The following CATSPERB variants were observed in gnomAD, a reference collection of about 807,000 sequenced individuals.
CATSPERB encodes catsper channel auxiliary subunit beta.
In CATSPERB, 93 loss-of-function variants were observed where a neutral mutation model predicts 128.3. The observed-to-expected ratio is 0.72, with a 90% CI of 0.61 to 0.86. The LOEUF (loss-of-function observed/expected upper bound fraction) is 0.86. Ranked by LOEUF, CATSPERB falls within the 40% of genes least tolerant of loss-of-function variation. CATSPERB has a pLI of 0.00. For missense variants in CATSPERB, 1,153 were observed against 1,329.5 expected (o/e 0.87, Z 2.06); for synonymous variants, 381 against 448.8 (o/e 0.85, Z 1.91).
Position 91,639,221 on chromosome 14 carries a change from C to T in CATSPERB, c.1462G>A (p.Val488Ile). 20 of 1,613,698 alleles carry T rather than the reference C, an allele frequency of 1.2e-5. No individual in the cohort carries two copies. Among genetic ancestry groups the T allele is most frequent in the Non-Finnish European group, 1.7e-5 (20 of 1,179,788 alleles). The change falls in exon 16 of 27, where the codon GTT (valine) becomes ATT (isoleucine). Residue 488 changes from valine (V) to isoleucine (I), a missense_variant. Physicochemically the swap from Val to Ile is conservative, Grantham distance 29 (BLOSUM62 3). Coordinates refer to ENST00000256343, the MANE Select transcript of CATSPERB (RefSeq NM_024764.4). ...GMGRYSAVGS[V>I]TERIFTLYYD... ...TATAATGTGAAAATTCTCTCAGTAA[C>T]ACTTCCGACTGCACTGTATCTTCCC...
chr14:91,657,104 T>A (rs1566720586), intron 15 of CATSPERB, among the ~76,000 whole-genome samples: 1 of 152,028 alleles, frequency 6.6e-6, no homozygotes, highest in Non-Finnish European at 1.5e-5. Flanking sequence ...GGACATGATT[T>A]TCTGTCTGGA....
At chr14:91,730,912 CTG>C (rs948245410) in intron 1 of CATSPERB, among the ~76,000 whole-genome samples, 29 of 152,214 alleles carry the variant, frequency 1.9e-4, no homozygotes, top group African/African-American at 7.0e-4. Context: ...TAAAAATCAT[CTG>C]AGAAAACAAC....
intron 14 of CATSPERB, among the ~76,000 whole-genome samples, chr14:91,664,259 CTTTTTTTT>C (rs750623098): frequency 3.5e-5 from 4 of 115,716 alleles, no homozygotes; most frequent in African/African-American, 3.2e-5. Context: ...TCTTCCATGT[CTTTTTTTT>C]TTTTTTTTTT....
chr14:91,605,451 G>A (rs984362528), intron 22 of CATSPERB: 4 of 458,188 alleles, frequency 8.7e-6, no homozygotes, highest in African/African-American at 7.8e-5. Context: ...AAGAGGTTGG[G>A]ATGAAGTGAG....
chr14:91,704,650 C>T lies in CATSPERB; in HGVS notation c.518G>A (p.Ser173Asn), dbSNP rs200112581. 4 of 1,613,876 alleles carry T rather than the reference C, an allele frequency of 2.5e-6. No individual in the cohort carries two copies. The highest frequency in any genetic ancestry group is 2.5e-6 in the Non-Finnish European group (3 of 1,179,852). ...ATCTACCACATGTGGATATAATTTACTGATTTCACTTTCTGGAATCACATC... is the reference window on the plus strand; with the variant it reads ...ATCTACCACATGTGGATATAATTTATTGATTTCACTTTCTGGAATCACATC... ...PGDVIPESEISKLYPHVVDLK... is the reference protein window; with the variant it reads ...PGDVIPESEINKLYPHVVDLK... Residue 173 changes from serine (S) to asparagine (N), a missense_variant, in exon 7 of 27, where the codon AGT (serine) becomes AAT (asparagine). By Grantham distance (46) the Ser-to-Asn change is conservative. Transcript: ENST00000256343.
intron 5 of CATSPERB, 43 bp downstream of exon 5, chr14:91,719,375 A>G (rs1895992681): frequency 7.3e-7 from 1 of 1,363,034 alleles, no homozygotes; most frequent in African/African-American, 1.5e-5. Context: ...TATTTGATAA[A>G]TCCAGACCCA....
At chr14:91,667,480 C>A (rs901463866) in intron 14 of CATSPERB, among the ~76,000 whole-genome samples, 1 of 152,198 alleles carries the variant, frequency 6.6e-6, no homozygotes, top group Non-Finnish European at 1.5e-5. Flanking sequence ...AAACAGCGTA[C>A]CCTATTCCTT....
chr14:91,583,388 C>T (rs1239824735), intron 26 of CATSPERB, among the ~76,000 whole-genome samples: 1 of 152,080 alleles, frequency 6.6e-6, no homozygotes, highest in Non-Finnish European at 1.5e-5. Context: ...CATGGCACTC[C>T]AGCCTGGGCA....
intron 4 of CATSPERB, among the ~76,000 whole-genome samples, chr14:91,720,638 T>C (rs1307698418): frequency 1.3e-5 from 2 of 152,112 alleles, no homozygotes; most frequent in Non-Finnish European, 2.9e-5. Flanking sequence ...GACTTAATAT[T>C]AGTAAAATGG....
At chr14:91,629,634 AG>A (rs1280616897) in intron 17 of CATSPERB, among the ~76,000 whole-genome samples, 1 of 152,186 alleles carries the variant, frequency 6.6e-6, no homozygotes, top group Non-Finnish European at 1.5e-5. Flanking sequence ...AGAGGTATAT[AG>A]GAACTCTATT....
intron 17 of CATSPERB, among the ~76,000 whole-genome samples, chr14:91,630,736 C>T (rs1894260918): frequency 6.6e-6 from 1 of 152,196 alleles, no homozygotes; most frequent in Non-Finnish European, 1.5e-5. Context: ...CCCTGTCCCA[C>T]ACTTTTCACA....
chr14:91,696,267 C>T (rs181832534), intron 7 of CATSPERB, among the ~76,000 whole-genome samples: 33 of 152,240 alleles, frequency 2.2e-4, no homozygotes, highest in African/African-American at 6.7e-4. Flanking sequence ...TTAGGGGTCA[C>T]ACCAAAAAGG....
At chr14:91,726,576 G>A (rs1896123539) in intron 2 of CATSPERB, among the ~76,000 whole-genome samples, 1 of 152,202 alleles carries the variant, frequency 6.6e-6, no homozygotes, top group East Asian at 1.9e-4. Context: ...TGTCCTCAAA[G>A]GTCTCTCTGA....
Position 91,669,818 on chromosome 14 carries a change from T to C in CATSPERB, c.1283A>G (p.Asn428Ser). The C allele has an allele frequency of 1.9e-6, 3 of 1,610,766 alleles. No individual in the cohort carries two copies. The highest frequency in any genetic ancestry group is 1.3e-5 in the African/African-American group (1 of 74,788). Residue 428 changes from asparagine (N) to serine (S), a missense_variant, in exon 14 of 27, where the codon AAT (asparagine) becomes AGT (serine). Asn to Ser is a conservative substitution (Grantham distance 46). Transcript: ENST00000256343. Reference protein sequence around the residue: ...PRSHFLYAYGNQIWLSVDGGN... With the variant: ...PRSHFLYAYGSQIWLSVDGGN... ...TGAAGTTCCATGTGTACGCACCTGATTGCCATAAGCATACAAAAAGTGGCT... is the reference window on the plus strand; with the variant it reads ...TGAAGTTCCATGTGTACGCACCTGACTGCCATAAGCATACAAAAAGTGGCT...
rs186270111 is a variant in CATSPERB, at chr14:91,588,182, T to C, written c.2957-104A>G. ...TTTTGCCATTACTTTTAATTTACTA[T>C]TACTATTTCATTTGCAATTACTAAT... is the stretch of plus-strand genomic sequence containing the variant. On this transcript the variant is annotated intron_variant, in intron 24 of 26. Transcript: ENST00000256343. The C allele has an allele frequency of 4.2e-5, 29 of 686,362 alleles. No homozygotes were observed. In the East Asian group the frequency reaches 7.6e-4, roughly 18 times the overall value. The allele number at this position is 686,362 out of a possible 1,614,324, so 42.5% of individuals were successfully genotyped here.
chr14:91,720,922 G>C (rs1896016700), intron 4 of CATSPERB, among the ~76,000 whole-genome samples: 1 of 152,120 alleles, frequency 6.6e-6, no homozygotes, highest in African/African-American at 2.4e-5. Context: ...GAAATAAACT[G>C]TCCCATTTAT....
At chr14:91,708,330 C>T in intron 5 of CATSPERB, 94 bp from the exon 6 acceptor site, 1 of 742,530 alleles carries the variant, frequency 1.3e-6, no homozygotes. Context: ...ACAATGATAG[C>T]CTTTCCTTTT....
Position 91,683,917 on chromosome 14 carries a change from C to T in CATSPERB, c.891G>A (p.Trp297Ter). The change falls in exon 11 of 27, where the codon TGG (tryptophan) becomes TGA (stop). Residue 297 changes from tryptophan (W) to a stop codon, truncating the protein, a stop_gained. Transcript: ENST00000256343. LOFTEE classifies it high-confidence loss of function. ...ERVDYVKGKL[W>*]YNERCFANRE... ...TGTTAGCAAAACATCTTTCATTATACCACAGTTTTCCTTTCACATAGTCAA... is the reference window on the plus strand; with the variant it reads ...TGTTAGCAAAACATCTTTCATTATATCACAGTTTTCCTTTCACATAGTCAA... 4 of 1,606,422 alleles carry T rather than the reference C, an allele frequency of 2.5e-6. No individual in the cohort carries two copies. Among genetic ancestry groups the T allele is most frequent in the Non-Finnish European group, 2.5e-6 (3 of 1,176,738 alleles).
chr14:91,620,259 C>T (rs959860), intron 19 of CATSPERB, among the ~76,000 whole-genome samples: 3,779 of 151,992 alleles, frequency 0.025, 160 homozygotes, highest in African/African-American at 0.086. Context: ...TTTGATGGTC[C>T]CAGCTTTCTT....
Sources: gnomAD v4.1 joint callset for allele counts (sites outside exome capture counted in the v4.1 genomes callset) on GRCh38, gnomAD v4.1.1 for gene constraint, MANE v1.5 for transcripts, NCBI Gene and HGNC (gene_info 2026-07-23, HGNC 2026-07-21) for gene names.